Variants in ZFP14 observed in about 807,000 individuals in gnomAD.
ZFP14 encodes the protein zinc finger protein 14 homolog.
Under a neutral mutation model 54.5 loss-of-function variants are expected in ZFP14, and 22 were observed. The observed-to-expected ratio is 0.40, with a 90% CI of 0.29 to 0.58. ZFP14 has a LOEUF of 0.58. Among genes scored for constraint, ZFP14 ranks in the 20% least tolerant of loss-of-function variants. The pLI is 0.39. For missense variants in ZFP14, 470 were observed against 637.8 expected, an observed-to-expected ratio of 0.74 and a Z score of 2.83; for synonymous variants, 159 against 204.0, an observed-to-expected ratio of 0.78 and a Z score of 1.88.
At chr19:36,378,521 C>A (rs1377457428) in intron 1 of ZFP14, 1 of 152,192 alleles carries the variant, frequency 6.6e-6, no homozygotes, top group East Asian at 1.9e-4. Flanking sequence ...TGCCCCCACG[C>A]CCAGAAAAAA....
At chr19:36,356,197 G>A (rs368093625) in intron 4 of ZFP14, among the ~76,000 whole-genome samples, 1 of 151,860 alleles carries the variant, frequency 6.6e-6, no homozygotes, top group South Asian at 2.1e-4. Context: ...CACTTTGGGA[G>A]GCTGAGGTGG....
intron 1 of ZFP14, among the ~76,000 whole-genome samples, chr19:36,368,744 G>A (rs1212999712): frequency 1.3e-5 from 2 of 152,150 alleles, no homozygotes; most frequent in Non-Finnish European, 2.9e-5. Flanking sequence ...TTCTGCCAAT[G>A]TGAGGCTACC....
rs372842197 is a variant in ZFP14, at chr19:36,351,921, C to A, written c.235+8514G>T. Among the ~76,000 whole-genome samples the A allele has an allele frequency of 2.3e-4, 33 of 143,372 alleles. 8 individuals are homozygous for A. Among genetic ancestry groups the A allele is most frequent in the Admixed American group, 1.6e-3 (22 of 13,992 alleles). The allele number at this position is 143,372 out of a possible 152,430, so 94.1% of individuals were successfully genotyped here. Reference sequence around the variant, plus strand: ...AGATCCGGCCGGGTGTGGTGGCTCACGCCTGTAATCCCAGCACTTTGGGAG... The same window carrying A: ...AGATCCGGCCGGGTGTGGTGGCTCAAGCCTGTAATCCCAGCACTTTGGGAG... On this transcript the variant is annotated intron_variant, in intron 4 of 4. Coordinates refer to ENST00000270001, the MANE Select transcript of ZFP14 (RefSeq NM_020917.3).
In ZFP14 at chr19:36,351,388, A is replaced by C. The variant is rs1396918743; in HGVS notation, c.235+9047T>G. The stretch of plus-strand genomic sequence containing the variant: ...GTGGTGCATGCCTGTAGTCCCAGCT[A>C]CTCTAGAGGCCGAGGTGGGAGAATT... On this transcript the variant is annotated intron_variant, in intron 4 of 4. Transcript: ENST00000270001. 1.4e-5 allele frequency among the ~76,000 whole-genome samples: 2 copies of C among 141,398 alleles called. 1 individual carries two copies. The highest frequency in any genetic ancestry group is 3.1e-5 in the Non-Finnish European group (2 of 63,902). 92.8% of individuals were successfully genotyped at this position (141,398 alleles called of 152,430 possible). A position where few individuals can be genotyped will look rare whatever the true frequency, so the allele number is the denominator to read the frequency against.
chr19:36,354,033 C>A lies in ZFP14; in HGVS notation c.235+6402G>T, dbSNP rs560885882. 3.9e-3 allele frequency among the ~76,000 whole-genome samples: 522 copies of A among 132,356 alleles called. 59 individuals are homozygous for A. Among genetic ancestry groups the A allele is most frequent in the African/African-American group, 0.013 (482 of 35,830 alleles). The allele number at this position is 132,356 out of a possible 152,430, so 86.8% of individuals were successfully genotyped here. ...AAGGCTGCAGTGAGTCATGATCACA[C>A]CACTGCACTCCAGCCTGGGCAACAG... On this transcript the variant is annotated intron_variant, in intron 4 of 4. Transcript: ENST00000270001.
chr19:36,347,896 A>T (rs1460077980), intron 4 of ZFP14, among the ~76,000 whole-genome samples: 6 of 152,100 alleles, frequency 3.9e-5, no homozygotes, highest in Admixed American at 3.9e-4. Flanking sequence ...CTGTCATACT[A>T]AAAACACAAA....
Position 36,341,186 on chromosome 19 carries a change from G to A in ZFP14, c.640C>T (p.His214Tyr). 2.5e-6 allele frequency: 4 copies of A among 1,614,088 alleles called. No homozygotes were observed. The highest frequency in any genetic ancestry group is 2.5e-6 in the Non-Finnish European group (3 of 1,180,012). ...ECGQAFRQRA[H>Y]LIRHHKLHTG... is the part of the protein sequence containing the mutation. The stretch of plus-strand genomic sequence containing the variant: ...TGAAGTTTGTGATGTCGAATAAGAT[G>A]TGCACGCTGTCTAAAGGCCTGCCCA... Residue 214 changes from histidine to tyrosine, a missense_variant, in exon 5 of 5, where the codon CAT (histidine) becomes TAT (tyrosine). Physicochemically the swap from His to Tyr is moderately conservative, Grantham distance 83 (BLOSUM62 2). Transcript: ENST00000270001. This position sits in a 1 kb window ranked among gnomAD's most constrained non-coding sequence, Gnocchi z 4.2.
rs2031319126 is a variant in ZFP14 at position 36,341,705 on chromosome 19, A to G, written c.236-115T>C. The G allele has an allele frequency of 3.1e-6, 3 of 964,548 alleles. 1 individual carries two copies. The highest frequency in any genetic ancestry group is 4.4e-6 in the Non-Finnish European group (3 of 679,282). The allele number at this position is 964,548 out of a possible 1,614,324, so 59.7% of individuals were successfully genotyped here. ...AGGCACCTAAAATAATGCCTGTTACAAATTGAATGGATTAGACAGATCTCA... is the reference window on the plus strand; with the variant it reads ...AGGCACCTAAAATAATGCCTGTTACGAATTGAATGGATTAGACAGATCTCA... On this transcript the variant is annotated intron_variant, in intron 4 of 4. Coordinates refer to ENST00000270001, the MANE Select transcript of ZFP14 (RefSeq NM_020917.3). This position sits in a 1 kb window ranked among gnomAD's most constrained non-coding sequence, Gnocchi z 4.2.
At chr19:36,361,642 C>T (rs1600079620) in intron 3 of ZFP14, among the ~76,000 whole-genome samples, 1 of 152,174 alleles carries the variant, frequency 6.6e-6, no homozygotes, top group East Asian at 1.9e-4. Context: ...TTAAGTGATT[C>T]TCCTGCCTCA....
intron 4 of ZFP14, among the ~76,000 whole-genome samples, chr19:36,359,255 A>G (rs2031670247): frequency 1.3e-5 from 2 of 152,160 alleles, no homozygotes; most frequent in Non-Finnish European, 2.9e-5. Flanking sequence ...GTATATCATT[A>G]TATTTGATTT....
Position 36,340,934 on chromosome 19 carries a change from G to A in ZFP14, c.892C>T (p.His298Tyr), listed in dbSNP as rs773354420. ...TGAAGTCTCTGATGGCGTGTAAGGTGTGTACACTGTCTAAAGGTCTTTCCA... is the reference window on the plus strand; with the variant it reads ...TGAAGTCTCTGATGGCGTGTAAGGTATGTACACTGTCTAAAGGTCTTTCCA... ...DCGKTFRQCTHLTRHQRLHTA... is the reference protein window; with the variant it reads ...DCGKTFRQCTYLTRHQRLHTA... Residue 298 changes from histidine (H) to tyrosine (Y), a missense_variant, in exon 5 of 5, where the codon CAC becomes TAC. Transcript: ENST00000270001. The surrounding 1 kb of genome is among the most constrained non-coding windows in gnomAD (Gnocchi z 5.4). 6.2e-7 allele frequency: 1 copy of A among 1,613,944 alleles called. No individual in the cohort carries two copies. The highest frequency in any genetic ancestry group is 1.1e-5 in the South Asian group (1 of 91,060).
chr19:36,350,788 A>G (rs1350253520), intron 4 of ZFP14, among the ~76,000 whole-genome samples: 1 of 142,372 alleles, frequency 7.0e-6, no homozygotes, highest in African/African-American at 2.6e-5. Flanking sequence ...GGGAAAAAAT[A>G]CCTCTAAAAC....
chr19:36,346,953 A>G (rs2031427319), intron 4 of ZFP14, among the ~76,000 whole-genome samples: 1 of 152,204 alleles, frequency 6.6e-6, no homozygotes, highest in Admixed American at 6.5e-5. Context: ...AAGGCTACGT[A>G]CACTTATTGC....
In ZFP14 at chr19:36,341,584, T is replaced by C; in HGVS notation, c.242A>G (p.Glu81Gly). Residue 81 changes from glutamate (E) to glycine (G), a missense_variant, in exon 5 of 5, where the codon GAG becomes GGG. Transcript: ENST00000270001. The surrounding 1 kb of genome is among the most constrained non-coding windows in gnomAD (Gnocchi z 4.2). ...TAAAGTATTGGTCCTGTATCTGGAC[T>C]CCAAATCTGAAAGAAAACAAGAAAG... The part of the protein sequence containing the change: ...EGTRRYCPDL[E>G]SRYRTNTLSP... 1 of 1,553,594 alleles carries C rather than the reference T, an allele frequency of 6.4e-7. No individual in the cohort carries two copies. The highest frequency in any genetic ancestry group is 8.7e-7 in the Non-Finnish European group (1 of 1,155,416).
intron 4 of ZFP14, among the ~76,000 whole-genome samples, chr19:36,349,247 A>AC (rs2031478382): frequency 1.5e-5 from 1 of 66,034 alleles, no homozygotes; most frequent in Non-Finnish European, 3.2e-5. Flanking sequence ...AAAAAACAAA[A>AC]AAAAAAAAAC....
At chr19:36,363,189 C>CTTTTCTTTTTTT (rs1555755935) in intron 2 of ZFP14, among the ~76,000 whole-genome samples, 459 of 97,826 alleles carry the variant, frequency 4.7e-3, no homozygotes, top group Middle Eastern at 8.1e-3. Flanking sequence ...CTTTTCTTTT[C>CTTTTCTTTTTTT]TTTTTTTTTT....
rs1397808045 is a variant in ZFP14, at chr19:36,353,659, C to T, written c.235+6776G>A. On this transcript the variant is annotated intron_variant, in intron 4 of 4. Transcript: ENST00000270001. ...GTTGCAGTGAGCCGAGATTGCGCCA[C>T]TACACTCCAGTCTGGGTGACAGAGT... Among the ~76,000 whole-genome samples the T allele has an allele frequency of 4.9e-5, 6 of 123,708 alleles. 1 individual carries two copies. Among genetic ancestry groups the T allele is most frequent in the African/African-American group, 9.2e-5 (3 of 32,668 alleles). 81.2% of individuals were successfully genotyped at this position (123,708 alleles called of 152,430 possible).
intron 1 of ZFP14, among the ~76,000 whole-genome samples, chr19:36,376,959 T>G (rs955629014): frequency 6.6e-6 from 1 of 152,162 alleles, no homozygotes. Flanking sequence ...TGTACTAAAC[T>G]GCATCTCATG....
chr19:36,360,267 G>GA, intron 4 of ZFP14, 168 bp downstream of exon 4: 1 of 416,686 alleles, frequency 2.4e-6, no homozygotes, highest in Non-Finnish European at 4.2e-6. Flanking sequence ...TCCTTTGCTA[G>GA]TCCAGGCTTA....
Sources: allele counts gnomAD v4.1 joint callset (sites outside exome capture counted in the v4.1 genomes callset), GRCh38; gene constraint gnomAD v4.1.1; non-coding constraint Gnocchi (gnomAD v3.1); transcripts MANE v1.5; gene names NCBI Gene and HGNC (gene_info 2026-07-23, HGNC 2026-07-21).